GCGR: variants seen among roughly 807,000 people sequenced by gnomAD.
GCGR encodes the protein glucagon receptor.
GCGR carries 41 observed loss-of-function variants against 56.1 expected under a neutral mutation model. That is an observed-to-expected ratio of 0.73 (90% CI 0.57 to 0.95). The LOEUF (loss-of-function observed/expected upper bound fraction) is 0.95, where lower values mean the gene tolerates loss of function less well. Among genes scored for constraint, GCGR ranks in the 40% least tolerant of loss-of-function variants. The pLI is 0.00. For synonymous variants in GCGR, 278 were observed against 271.1 expected, an observed-to-expected ratio of 1.03 and a Z score of -0.25; for missense variants, 595 against 638.2, an observed-to-expected ratio of 0.93 and a Z score of 0.73.
Position 81,813,883 on chromosome 17 carries a change from G to T in GCGR, c.*194G>T. On this transcript the variant is annotated 3_prime_UTR_variant, in exon 14 of 14. Transcript: ENST00000400723. The surrounding 1 kb of genome is among the most constrained non-coding windows in gnomAD (Gnocchi z 5.3). ...CACCTGCCTTGTCCCTGGTGCAGAGGTGAGCAGAGGAGTCCAGGGCGGGAG... is the reference window on the plus strand; with the variant it reads ...CACCTGCCTTGTCCCTGGTGCAGAGTTGAGCAGAGGAGTCCAGGGCGGGAG... 1.6e-6 allele frequency: 1 copy of T among 607,232 alleles called. No individual in the cohort carries two copies. The highest frequency in any genetic ancestry group is 2.8e-5 in the East Asian group (1 of 36,092). 37.6% of individuals were successfully genotyped at this position (607,232 alleles called of 1,614,324 possible).
In GCGR at chr17:81,813,203, G is replaced by A. The variant is rs1187143512; in HGVS notation, c.1218+146G>A. The A allele has an allele frequency of 1.5e-6, 2 of 1,321,360 alleles. No homozygotes were observed. Among genetic ancestry groups the A allele is most frequent in the Non-Finnish European group, 2.1e-6 (2 of 955,442 alleles). The allele number at this position is 1,321,360 out of a possible 1,614,324, so 81.9% of individuals were successfully genotyped here. On this transcript the variant is annotated intron_variant, in intron 13 of 13. Transcript: ENST00000400723. The surrounding 1 kb of genome is among the most constrained non-coding windows in gnomAD (Gnocchi z 5.3). Reference sequence around the variant, plus strand: ...CTTTCCCTCCCCCTGCTCTTATTGGGTGCAGTTGCCATGGCGCTGGGTGTC... The same window carrying A: ...CTTTCCCTCCCCCTGCTCTTATTGGATGCAGTTGCCATGGCGCTGGGTGTC...
rs768469740 is a variant in GCGR, at chr17:81,811,348, C to A, written c.500+20C>A. Reference sequence around the variant, plus strand: ...CCTCAGGTAGGATTCCGCCAGCGCCCGGGGCGGCCGCAGAGGACAGGGAGG... The same window carrying A: ...CCTCAGGTAGGATTCCGCCAGCGCCAGGGGCGGCCGCAGAGGACAGGGAGG... On this transcript the variant is annotated intron_variant, in intron 6 of 13. Coordinates refer to ENST00000400723, the MANE Select transcript of GCGR (RefSeq NM_000160.5). The surrounding 1 kb of genome is among the most constrained non-coding windows in gnomAD (Gnocchi z 5.8). The A allele has an allele frequency of 6.5e-7, 1 of 1,534,442 alleles. No homozygotes were observed. The highest frequency in any genetic ancestry group is 2.0e-5 in the Admixed American group (1 of 50,966).
intron 1 of GCGR, among the ~76,000 whole-genome samples, chr17:81,808,429 G>A (rs2038005338): frequency 6.6e-6 from 1 of 151,998 alleles, no homozygotes; most frequent in East Asian, 1.9e-4. Context: ...ATGAGACGAG[G>A]GGCTCTGCGA....
Position 81,811,935 on chromosome 17 carries a change from C to A in GCGR, c.867C>A (p.Phe289Leu). The A allele has an allele frequency of 1.3e-6, 2 of 1,536,942 alleles. No individual in the cohort carries two copies. The highest frequency in any genetic ancestry group is 1.7e-6 in the Non-Finnish European group (2 of 1,146,868). Residue 289 changes from phenylalanine (F) to leucine (L), a missense_variant, in exon 9 of 14, where the codon TTC becomes TTA. Physicochemically the swap from Phe to Leu is conservative, Grantham distance 22. Transcript: ENST00000400723. The surrounding 1 kb of genome is among the most constrained non-coding windows in gnomAD (Gnocchi z 5.8). ...CCTGGGCAGTGGTCAAGTGTCTGTT[C>A]GAGAACGTCCAGTGAGTATGAGCGG... ...VVPWAVVKCL[F>L]ENVQCWTSND...
rs544204020 is a variant in GCGR at position 81,808,087 on chromosome 17, G to A, written c.-177-755G>A. ...CACCCACGAGGCACCTAGGCACCCC[G>A]GTGCTGGGCAGGGGGCACACATGTG... On this transcript the variant is annotated intron_variant, in intron 1 of 13. Coordinates refer to ENST00000400723, the MANE Select transcript of GCGR (RefSeq NM_000160.5). Among the ~76,000 whole-genome samples, 24 of 152,376 alleles carry A rather than the reference G, an allele frequency of 1.6e-4. No homozygotes were observed. The South Asian group carries it at 4.8e-3, about 30-fold the overall frequency.
rs908475371 is a variant in GCGR at position 81,811,942 on chromosome 17, G to T, written c.874G>T (p.Val292Phe). The T allele has an allele frequency of 2.0e-6, 3 of 1,536,934 alleles. No individual in the cohort carries two copies. The highest frequency in any genetic ancestry group is 2.6e-6 in the Non-Finnish European group (3 of 1,146,900). ...AGTGGTCAAGTGTCTGTTCGAGAAC[G>T]TCCAGTGAGTATGAGCGGCTGGACA... ...WAVVKCLFENVQCWTSNDNMG... is the reference protein window; with the variant it reads ...WAVVKCLFENFQCWTSNDNMG... Residue 292 changes from valine (V) to phenylalanine (F), a missense_variant, in exon 9 of 14, where the codon GTC (valine) becomes TTC (phenylalanine). Coordinates refer to ENST00000400723, the MANE Select transcript of GCGR (RefSeq NM_000160.5). This position sits in a 1 kb window ranked among gnomAD's most constrained non-coding sequence, Gnocchi z 5.8.
chr17:81,809,182 GTCTGTCTGTCTGCCCGTCTGCCTGCCCA>G (rs1598235037), intron 2 of GCGR, 104 bp downstream of exon 2: 1 of 1,341,680 alleles, frequency 7.5e-7, no homozygotes, highest in East Asian at 2.5e-5. Flanking sequence ...CTGCCTGCCT[GTCTGTCTGTCTGCCCGTCTGCCTGCCCA>G]TCTGCCTGTC....
chr17:81,805,500 CA>C (rs1296235493), intron 1 of GCGR, among the ~76,000 whole-genome samples: 2 of 150,104 alleles, frequency 1.3e-5, no homozygotes, highest in Non-Finnish European at 3.0e-5. Context: ...GGAGCCCCCC[CA>C]TTGGGCACCT....
chr17:81,808,766 C>G (rs1024399940), intron 1 of GCGR, 76 bp from the exon 2 acceptor site: 31 of 565,992 alleles, frequency 5.5e-5, no homozygotes, highest in Non-Finnish European at 7.6e-5. Context: ...TGATCCACCC[C>G]CCTCGGCCTC....
Position 81,813,790 on chromosome 17 carries a change from C to T in GCGR, c.*101C>T. 2 of 1,151,988 alleles carry T rather than the reference C, an allele frequency of 1.7e-6. No individual in the cohort carries two copies. The highest frequency in any genetic ancestry group is 2.4e-6 in the Non-Finnish European group (2 of 828,800). 71.4% of individuals were successfully genotyped at this position (1,151,988 alleles called of 1,614,324 possible). On this transcript the variant is annotated 3_prime_UTR_variant, in exon 14 of 14. Coordinates refer to ENST00000400723, the MANE Select transcript of GCGR (RefSeq NM_000160.5). The surrounding 1 kb of genome is among the most constrained non-coding windows in gnomAD (Gnocchi z 5.3). Reference sequence around the variant, plus strand: ...CAGCTGAGGCTGGGGGCGGGGGAGCCAACAGCAGCCCCCACCTACCCCCCA... The same window carrying T: ...CAGCTGAGGCTGGGGGCGGGGGAGCTAACAGCAGCCCCCACCTACCCCCCA...
chr17:81,809,234 GTCTGTCTGTCCATCTGTCCA>G (rs1310933692), intron 2 of GCGR, among the ~76,000 whole-genome samples, 156 bp downstream of exon 2: 2 of 147,974 alleles, frequency 1.4e-5, no homozygotes, highest in Non-Finnish European at 3.0e-5. Context: ...CTGCCTGTCC[GTCTGTCTGTCCATCTGTCCA>G]TCTGCCTATC....
rs1378748650 is a variant in GCGR, at chr17:81,809,143, TCTGTCTGCCTGCCTGCCTGCCTGC to T, written c.60+81_60+104del. ...TGTGAGGACTGCACACTGATGGCTCTCTGTCTGCCTGCCTGCCTGCCTGCCTGTCTGCCTGCCTGTCTGTCTGTC... is the reference window on the plus strand; with the variant it reads ...TGTGAGGACTGCACACTGATGGCTCTCTGTCTGCCTGCCTGTCTGTCTGTC... On this transcript the variant is annotated intron_variant, in intron 2 of 13. Coordinates refer to ENST00000400723, the MANE Select transcript of GCGR (RefSeq NM_000160.5). 20 of 1,501,908 alleles carry T rather than the reference TCTGTCTGCCTGCCTGCCTGCCTGC, an allele frequency of 1.3e-5. No individual in the cohort carries two copies. In the African/African-American group the frequency reaches 2.4e-4, roughly 18 times the overall value. The allele number at this position is 1,501,908 out of a possible 1,614,324, so 93.0% of individuals were successfully genotyped here.
chr17:81,813,808 A>C lies in GCGR; in HGVS notation c.*119A>C. On this transcript the variant is annotated 3_prime_UTR_variant, in exon 14 of 14. Coordinates refer to ENST00000400723, the MANE Select transcript of GCGR (RefSeq NM_000160.5). The surrounding 1 kb of genome is among the most constrained non-coding windows in gnomAD (Gnocchi z 5.3). ...GGGGAGCCAACAGCAGCCCCCACCT[A>C]CCCCCCACCCCCAGTGTGGCTGTCT... 3.4e-6 allele frequency: 3 copies of C among 876,340 alleles called. No homozygotes were observed. The highest frequency in any genetic ancestry group is 5.1e-6 in the Non-Finnish European group (3 of 583,360). 54.3% of individuals were successfully genotyped at this position (876,340 alleles called of 1,614,324 possible). A position where few individuals can be genotyped will look rare whatever the true frequency, so the allele number is the denominator to read the frequency against.
rs1355452290 is a variant in GCGR, at chr17:81,812,922, G to A, written c.1153G>A (p.Asp385Asn). 5.2e-6 allele frequency: 8 copies of A among 1,535,878 alleles called. No individual in the cohort carries two copies. Among genetic ancestry groups the A allele is most frequent in the Non-Finnish European group, 5.2e-6 (6 of 1,146,696 alleles). Residue 385 changes from aspartate to asparagine, a missense_variant, in exon 12 of 14, where the codon GAC becomes AAC. Coordinates refer to ENST00000400723, the MANE Select transcript of GCGR (RefSeq NM_000160.5). The surrounding 1 kb of genome is among the most constrained non-coding windows in gnomAD (Gnocchi z 8.5). ...GTLRSAKLFFDLFLSSFQGLL... is the reference protein window; with the variant it reads ...GTLRSAKLFFNLFLSSFQGLL... ...CCTGCGCTCCGCCAAGCTCTTCTTC[G>A]ACCTCTTCCTCAGCTCCTTCCAGGT...
intron 1 of GCGR, chr17:81,805,228 C>T (rs2037930905): frequency 6.6e-6 from 1 of 152,346 alleles, no homozygotes; most frequent in South Asian, 2.1e-4. Context: ...GGGGGCCCAG[C>T]TCCAGGTCTG....
rs1450657582 is a variant in GCGR at position 81,810,782 on chromosome 17, C to A, written c.164-43C>A. ...CCTGCTGAGGGAGCCCCTTCTCCCA[C>A]CCTGCCCTGCCCTGCTCTGCCCTGC... On this transcript the variant is annotated intron_variant, in intron 3 of 13. Transcript: ENST00000400723. The surrounding 1 kb of genome is among the most constrained non-coding windows in gnomAD (Gnocchi z 4.6). 3.3e-6 allele frequency: 5 copies of A among 1,504,724 alleles called. No individual in the cohort carries two copies. Among genetic ancestry groups the A allele is most frequent in the Non-Finnish European group, 4.5e-6 (5 of 1,117,990 alleles). The allele number at this position is 1,504,724 out of a possible 1,614,324, so 93.2% of individuals were successfully genotyped here.
rs749623311 is a variant in GCGR at position 81,811,746 on chromosome 17, C to T, written c.753C>T (p.Asn251=). The change falls in exon 8 of 14, where the codon AAC becomes AAT. Residue 251 remains asparagine, a synonymous_variant. Transcript: ENST00000400723. This position sits in a 1 kb window ranked among gnomAD's most constrained non-coding sequence, Gnocchi z 5.8. ...TGGTGGAGGGCCTGTACCTGCACAA[C>T]CTGCTGGGCCTGGCCACCCTCCCCG... ...WLLVEGLYLH[N]LLGLATLPER... 8 of 1,541,484 alleles carry T rather than the reference C, an allele frequency of 5.2e-6. No individual in the cohort carries two copies. In the African/African-American group the frequency reaches 8.2e-5, roughly 16 times the overall value.
Position 81,811,233 on chromosome 17 carries a change from C to T in GCGR, c.405C>T (p.Ala135=), listed in dbSNP as rs1218945926. ...ACTGTAACTCGCAGAAGGAGGTGGC[C>T]AAGATGTACAGCAGCTTCCAGGTGA... is the stretch of plus-strand genomic sequence containing the variant. ...GEEIEVQKEV[A]KMYSSFQVMY... is the part of the protein sequence containing the mutation. The change falls in exon 6 of 14, where the codon GCC becomes GCT. Residue 135 remains alanine (A), a synonymous_variant. Coordinates refer to ENST00000400723, the MANE Select transcript of GCGR (RefSeq NM_000160.5). The surrounding 1 kb of genome is among the most constrained non-coding windows in gnomAD (Gnocchi z 5.8). The T allele has an allele frequency of 6.5e-7, 1 of 1,536,246 alleles. No individual in the cohort carries two copies. The highest frequency in any genetic ancestry group is 8.7e-7 in the Non-Finnish European group (1 of 1,146,754).
chr17:81,812,527 GCTGTTC>G lies in GCGR; in HGVS notation c.949-48_949-43del, dbSNP rs1332345153. On this transcript the variant is annotated intron_variant, in intron 10 of 13. Coordinates refer to ENST00000400723, the MANE Select transcript of GCGR (RefSeq NM_000160.5). The surrounding 1 kb of genome is among the most constrained non-coding windows in gnomAD (Gnocchi z 8.5). ...AGGTGGGGCCTTCCAAGGGCACAGA[GCTGTTC>G]CCTGGGGCTCGGGATGCCCCTGACT... 3 of 1,497,552 alleles carry G rather than the reference GCTGTTC, an allele frequency of 2.0e-6. No individual in the cohort carries two copies. The African/African-American group carries it at 4.2e-5, about 21-fold the overall frequency. 92.8% of individuals were successfully genotyped at this position (1,497,552 alleles called of 1,614,324 possible).
Sources: gnomAD v4.1 joint callset for allele counts (sites outside exome capture counted in the v4.1 genomes callset) on GRCh38, gnomAD v4.1.1 for gene constraint, Gnocchi (gnomAD v3.1) non-coding constraint, MANE v1.5 for transcripts, NCBI Gene and HGNC (gene_info 2026-07-23, HGNC 2026-07-21) for gene names.